RBFOX1: variants seen among roughly 807,000 people sequenced by gnomAD.
RBFOX1 encodes the protein RNA binding fox-1 homolog 1.
RBFOX1 carries 8 observed loss-of-function variants against 57.7 expected under a neutral mutation model. That is an observed-to-expected ratio of 0.14 (90% CI 0.08 to 0.25). RBFOX1 has a LOEUF of 0.25. RBFOX1 is among the 10% of genes least tolerant of loss of function. The pLI, the probability that RBFOX1 is intolerant of heterozygous loss-of-function variation, is 1.00. For synonymous variants in RBFOX1, 326 were observed against 222.4 expected (o/e 1.47, Z -4.15); for missense variants, 611 against 548.5 (o/e 1.11, Z -1.14).
chr16:7,311,422 A>T (rs62014050), intron 4 of RBFOX1, among the ~76,000 whole-genome samples: 5 of 150,944 alleles, frequency 3.3e-5, no homozygotes, highest in Non-Finnish European at 7.4e-5. Context: ...AAGTGACTCC[A>T]ATTTCCCAGG....
chr16:6,767,819 C>T (rs989941096), intron 3 of RBFOX1, among the ~76,000 whole-genome samples: 1 of 151,652 alleles, frequency 6.6e-6, no homozygotes, highest in South Asian at 2.1e-4. Flanking sequence ...GAGGCTCAGG[C>T]AGGAGAATCG....
intron 5 of RBFOX1, among the ~76,000 whole-genome samples, chr16:7,559,358 C>A (rs2089717620): frequency 6.6e-6 from 1 of 152,138 alleles, no homozygotes; most frequent in South Asian, 2.1e-4. Flanking sequence ...TCCCTCTCTT[C>A]CTTTATATAT....
chr16:7,613,504 G>C (rs1044679357), intron 10 of RBFOX1, among the ~76,000 whole-genome samples: 1 of 152,166 alleles, frequency 6.6e-6, no homozygotes, highest in Non-Finnish European at 1.5e-5. Context: ...TTGATGCTGG[G>C]CTAGGTGATG....
chr16:6,635,762 C>T (rs1200852435), intron 2 of RBFOX1, among the ~76,000 whole-genome samples: 2 of 152,180 alleles, frequency 1.3e-5, no homozygotes, highest in Non-Finnish European at 2.9e-5. Context: ...TTTTACCCAA[C>T]ATAAACTATT....
At chr16:6,521,050 C>G (rs770762154) in intron 2 of RBFOX1, among the ~76,000 whole-genome samples, 8 of 152,040 alleles carry the variant, frequency 5.3e-5, no homozygotes, top group Non-Finnish European at 1.2e-4. Context: ...TGTTTAGATC[C>G]TTTAATCAAG....
chr16:7,188,029 T>G (rs2084362655), intron 4 of RBFOX1, among the ~76,000 whole-genome samples: 1 of 152,234 alleles, frequency 6.6e-6, no homozygotes, highest in Admixed American at 6.5e-5. Flanking sequence ...ATAGTGAGAT[T>G]ATAGGCCATT....
intron 1 of RBFOX1, among the ~76,000 whole-genome samples, chr16:6,052,836 T>TA (rs1264550349): frequency 2.3e-4 from 34 of 148,778 alleles, no homozygotes; most frequent in Middle Eastern, 3.5e-3. Context: ...ATAATAATAA[T>TA]ATTAATGCCT....
intron 2 of RBFOX1, among the ~76,000 whole-genome samples, chr16:6,642,869 A>G (rs929627549): frequency 3.3e-5 from 5 of 152,094 alleles, no homozygotes; most frequent in Non-Finnish European, 4.4e-5. Flanking sequence ...AACCTACCCA[A>G]CTAAGGTAAA....
At chr16:6,993,038 T>G (rs1568269889) in intron 3 of RBFOX1, among the ~76,000 whole-genome samples, 3 of 152,186 alleles carry the variant, frequency 2.0e-5, no homozygotes, top group Admixed American at 6.5e-5. Context: ...TAGATTTTAA[T>G]TTCGCAGCTG....
At chr16:7,256,851 G>C (rs1243926888) in intron 4 of RBFOX1, among the ~76,000 whole-genome samples, 1 of 152,084 alleles carries the variant, frequency 6.6e-6, no homozygotes, top group Non-Finnish European at 1.5e-5. Flanking sequence ...GTGGATACCT[G>C]TCACTTCCCT....
chr16:6,158,033 A>T (rs1406949619), intron 1 of RBFOX1, among the ~76,000 whole-genome samples: 10 of 152,206 alleles, frequency 6.6e-5, no homozygotes, highest in Admixed American at 6.5e-4. Flanking sequence ...ATGGAGGATA[A>T]TGATACAGCA....
chr16:7,262,986 G>C (rs183106006), intron 4 of RBFOX1, among the ~76,000 whole-genome samples: 13 of 152,330 alleles, frequency 8.5e-5, no homozygotes, highest in Admixed American at 6.5e-4. Flanking sequence ...GGAAGTGTTA[G>C]AGGGTGATAG....
At chr16:6,875,430 G>A (rs1005095236) in intron 3 of RBFOX1, among the ~76,000 whole-genome samples, 7 of 152,086 alleles carry the variant, frequency 4.6e-5, no homozygotes, top group African/African-American at 1.7e-4. Context: ...GCAATGTGTG[G>A]CTTCTTCCCA....
intron 1 of RBFOX1, among the ~76,000 whole-genome samples, chr16:6,272,329 T>G (rs577965154): frequency 6.6e-6 from 1 of 152,276 alleles, no homozygotes; most frequent in African/African-American, 2.4e-5. Context: ...CACCTACAGC[T>G]GACATGCTGA....
At chr16:6,530,936 T>A (rs925541606) in intron 2 of RBFOX1, among the ~76,000 whole-genome samples, 1 of 152,152 alleles carries the variant, frequency 6.6e-6, no homozygotes, top group Non-Finnish European at 1.5e-5. Context: ...TGTTTCTTGA[T>A]TTGGAAGATC....
In RBFOX1 at chr16:6,866,541, A is replaced by ATTTTTTTTTTTTTTTTTT. The variant is rs56678526; in HGVS notation, c.-15-185515_-15-185498dup. On this transcript the variant is annotated intron_variant, in intron 3 of 15. Transcript: ENST00000550418. ...TAAGGTTAGGGCTTTCTTTCCTTCT[A>ATTTTTTTTTTTTTTTTTT]TTTTTTTTTTTTTTTTTTGAGTTGG... 1.9e-3 allele frequency among the ~76,000 whole-genome samples: 152 copies of ATTTTTTTTTTTTTTTTTT among 78,868 alleles called. 15 individuals carry two copies. Among genetic ancestry groups the ATTTTTTTTTTTTTTTTTT allele is most frequent in the East Asian group, 3.3e-3 (7 of 2,104 alleles). 51.7% of individuals were successfully genotyped at this position (78,868 alleles called of 152,430 possible).
chr16:5,515,861 CT>C (rs1340274351), intron 2 of RBFOX1, among the ~76,000 whole-genome samples: 2 of 151,958 alleles, frequency 1.3e-5, no homozygotes, highest in Non-Finnish European at 2.9e-5. Flanking sequence ...GTGCTAGGCC[CT>C]TTTGTGTGCA....
At chr16:7,045,473 C>A (rs1413243034) in intron 3 of RBFOX1, among the ~76,000 whole-genome samples, 2 of 152,062 alleles carry the variant, frequency 1.3e-5, no homozygotes, top group Non-Finnish European at 2.9e-5. Flanking sequence ...TCCTTGGCTA[C>A]TGTTGGATTT....
chr16:5,747,767 T>C (rs150990315), intron 3 of RBFOX1, among the ~76,000 whole-genome samples: 2 of 152,296 alleles, frequency 1.3e-5, no homozygotes, highest in African/African-American at 4.8e-5. Context: ...CTTCCCTCTT[T>C]ACTTCTTTAT....
Sources: allele counts gnomAD v4.1 joint callset (sites outside exome capture counted in the v4.1 genomes callset), GRCh38; gene constraint gnomAD v4.1.1; transcripts MANE v1.5; gene names NCBI Gene and HGNC (gene_info 2026-07-23, HGNC 2026-07-21).